ADGRL3: variants seen among roughly 807,000 people sequenced by gnomAD.
ADGRL3 encodes adhesion G protein-coupled receptor L3.
ADGRL3 carries 62 observed loss-of-function variants against 153.5 expected under a neutral mutation model. The observed-to-expected ratio is 0.40, with a 90% CI of 0.33 to 0.50. The LOEUF is 0.50. ADGRL3 is among the 20% of genes least tolerant of loss of function. ADGRL3 has a pLI of 0.47. For synonymous variants in ADGRL3, 710 were observed against 672.5 expected (o/e 1.06, Z -0.86); for missense variants, 1,641 against 1,859.4 (o/e 0.88, Z 2.16).
chr4:61,230,800 G>A (rs1750293188), intron 1 of ADGRL3, among the ~76,000 whole-genome samples: 1 of 152,154 alleles, frequency 6.6e-6, no homozygotes, highest in South Asian at 2.1e-4. Flanking sequence ...GCACTAATAG[G>A]AGTTTGTATC....
intron 17 of ADGRL3, among the ~76,000 whole-genome samples, chr4:61,960,777 CT>C (rs1307018298): frequency 6.6e-6 from 1 of 152,100 alleles, no homozygotes; most frequent in African/African-American, 2.4e-5. Context: ...GTGGCACAAT[CT>C]CGGCTCACTG....
At chr4:62,068,548 G>C (rs1368601416) in intron 26 of ADGRL3, among the ~76,000 whole-genome samples, 1 of 152,052 alleles carries the variant, frequency 6.6e-6, no homozygotes, top group African/African-American at 2.4e-5. Context: ...TACTATGGCT[G>C]TTTTCAGCCC....
At chr4:61,769,795 G>T (rs976942348) in intron 8 of ADGRL3, among the ~76,000 whole-genome samples, 42 of 150,912 alleles carry the variant, frequency 2.8e-4, no homozygotes, top group Admixed American at 1.3e-4. Flanking sequence ...TGCTCAGTGG[G>T]GGTGCTTTTG....
intron 8 of ADGRL3, among the ~76,000 whole-genome samples, chr4:61,782,607 G>A (rs993941455): frequency 6.6e-6 from 1 of 152,110 alleles, no homozygotes; most frequent in African/African-American, 2.4e-5. Context: ...TAAATACACA[G>A]TCACATACCA....
chr4:61,730,916 CTTTAA>C (rs2096430773), intron 7 of ADGRL3, among the ~76,000 whole-genome samples: 2 of 151,738 alleles, frequency 1.3e-5, no homozygotes, highest in South Asian at 2.1e-4. Context: ...ATAGTGGTTG[CTTTAA>C]TTTGTTTTTA....
chr4:61,733,872 C>T (rs1224544506), intron 8 of ADGRL3, among the ~76,000 whole-genome samples: 1 of 152,132 alleles, frequency 6.6e-6, no homozygotes, highest in African/African-American at 2.4e-5. Context: ...AATAGAACAG[C>T]CCGTCTAAAC....
intron 9 of ADGRL3, among the ~76,000 whole-genome samples, chr4:61,830,924 G>C (rs1173982042): frequency 6.6e-6 from 1 of 152,012 alleles, no homozygotes; most frequent in Non-Finnish European, 1.5e-5. Context: ...CAGTCTTGCT[G>C]TGTGCCCAGG....
chr4:61,859,957 T>A (rs2098323766), intron 9 of ADGRL3, among the ~76,000 whole-genome samples: 1 of 152,162 alleles, frequency 6.6e-6, no homozygotes, highest in South Asian at 2.1e-4. Flanking sequence ...TGCTTTTAGG[T>A]TGACAAAATA....
intron 5 of ADGRL3, among the ~76,000 whole-genome samples, chr4:61,638,209 G>C (rs1383840503): frequency 6.6e-6 from 1 of 152,132 alleles, no homozygotes; most frequent in African/African-American, 2.4e-5. Context: ...TTCACCAATA[G>C]AAAGGGACAA....
chr4:61,634,062 T>C (rs888261179), intron 5 of ADGRL3, among the ~76,000 whole-genome samples: 2 of 152,144 alleles, frequency 1.3e-5, no homozygotes, highest in African/African-American at 2.4e-5. Context: ...ATATTGCAAT[T>C]TTGAGTTTTA....
At chr4:61,460,136 C>T (rs1407903186) in intron 2 of ADGRL3, among the ~76,000 whole-genome samples, 1 of 151,998 alleles carries the variant, frequency 6.6e-6, no homozygotes, top group Non-Finnish European at 1.5e-5. Context: ...AAGTCTTAGC[C>T]ATAAAATCTT....
chr4:61,749,308 C>T (rs1475940626), intron 8 of ADGRL3, among the ~76,000 whole-genome samples: 1 of 151,896 alleles, frequency 6.6e-6, no homozygotes, highest in Non-Finnish European at 1.5e-5. Flanking sequence ...GTGGCGATTC[C>T]TCAGGGATCT....
At chr4:61,971,053 A>G (rs1185457894) in intron 17 of ADGRL3, among the ~76,000 whole-genome samples, 1 of 152,106 alleles carries the variant, frequency 6.6e-6, no homozygotes, top group African/African-American at 2.4e-5. Flanking sequence ...ACACTCATAC[A>G]TTTTCAGTAA....
chr4:61,641,116 C>A (rs569973758), intron 5 of ADGRL3, among the ~76,000 whole-genome samples: 5 of 151,956 alleles, frequency 3.3e-5, no homozygotes, highest in Non-Finnish European at 5.9e-5. Flanking sequence ...TCCTGCTAAC[C>A]TTATTTCACC....
At chr4:61,623,497 T>C (rs2092656762) in intron 5 of ADGRL3, among the ~76,000 whole-genome samples, 1 of 152,142 alleles carries the variant, frequency 6.6e-6, no homozygotes, top group Admixed American at 6.6e-5. Flanking sequence ...TTTGTGAAGT[T>C]TGAATTTTAG....
intron 17 of ADGRL3, among the ~76,000 whole-genome samples, chr4:61,950,251 A>G (rs549921161): frequency 6.6e-6 from 1 of 152,118 alleles, no homozygotes; most frequent in Non-Finnish European, 1.5e-5. Flanking sequence ...GTTTTTTTTT[A>G]GATGAGACAG....
intron 25 of ADGRL3, among the ~76,000 whole-genome samples, chr4:62,058,614 A>G (rs1251778003): frequency 6.6e-6 from 1 of 152,144 alleles, no homozygotes; most frequent in East Asian, 1.9e-4. Flanking sequence ...GTAATATTGT[A>G]ACTATCTCGT....
chr4:61,459,996 T>C (rs752820640), intron 2 of ADGRL3, among the ~76,000 whole-genome samples: 1 of 152,174 alleles, frequency 6.6e-6, no homozygotes, highest in Non-Finnish European at 1.5e-5. Context: ...GGATGAGTAA[T>C]TTGCAAATAT....
chr4:61,985,326 G>C lies in ADGRL3; in HGVS notation c.3236+1723G>C, dbSNP rs181565528. 1.1e-3 allele frequency among the ~76,000 whole-genome samples: 163 copies of C among 152,062 alleles called. No homozygotes were observed. In the Middle Eastern group the frequency reaches 0.017, roughly 16 times the overall value. On this transcript the variant is annotated intron_variant, in intron 19 of 26. Coordinates refer to ENST00000683033, the MANE Select transcript of ADGRL3 (RefSeq NM_001387552.1). ...GAGTGTGAAGAAAAGGACAGGCAAG[G>C]TACATTTTGAAGCAGAGGAACTTTT...
Sources: gnomAD v4.1 joint callset for allele counts (sites outside exome capture counted in the v4.1 genomes callset) on GRCh38, gnomAD v4.1.1 for gene constraint, MANE v1.5 for transcripts, NCBI Gene and HGNC (gene_info 2026-07-23, HGNC 2026-07-21) for gene names.